Variants in XKR4 observed in about 807,000 individuals in gnomAD.
The protein encoded by XKR4 is XK-related protein 4.
In XKR4, 12 loss-of-function variants were observed where a neutral mutation model predicts 53.9. The ratio of observed to expected loss-of-function variants is 0.22; its 90% confidence interval spans 0.14 to 0.36. The LOEUF is 0.36. Ranked by LOEUF, XKR4 falls within the 10% of genes least tolerant of loss-of-function variation. The probability of loss-of-function intolerance (pLI) is 1.00; values close to 1 mark genes in which losing one functional copy is unlikely to be tolerated. For synonymous variants in XKR4, 354 were observed against 362.4 expected, an observed-to-expected ratio of 0.98 and a Z score of 0.26; for missense variants, 799 against 859.5, an observed-to-expected ratio of 0.93 and a Z score of 0.88.
chr8:55,235,855 T>C (rs1818114228), intron 1 of XKR4, among the ~76,000 whole-genome samples: 1 of 152,158 alleles, frequency 6.6e-6, no homozygotes, highest in Admixed American at 6.6e-5. Flanking sequence ...CAAGCTTTGT[T>C]GGGCCTAGAT....
chr8:55,155,746 A>G (rs1816899075), intron 1 of XKR4, among the ~76,000 whole-genome samples: 1 of 152,210 alleles, frequency 6.6e-6, no homozygotes, highest in African/African-American at 2.4e-5. Flanking sequence ...AAATATTAGA[A>G]TATCGGGGAC....
intron 1 of XKR4, among the ~76,000 whole-genome samples, chr8:55,282,141 C>CTGG (rs1437860165): frequency 6.6e-6 from 1 of 152,134 alleles, no homozygotes; most frequent in East Asian, 1.9e-4. Flanking sequence ...GGGTATTATC[C>CTGG]TGGTTCCTTT....
chr8:55,407,478 G>A (rs899070016), intron 2 of XKR4, among the ~76,000 whole-genome samples: 3 of 152,232 alleles, frequency 2.0e-5, no homozygotes, highest in African/African-American at 4.8e-5. Context: ...CGCTGCCTCC[G>A]CCGGAGTGAT....
chr8:55,216,968 C>T (rs1012010031), intron 1 of XKR4, among the ~76,000 whole-genome samples: 8 of 150,828 alleles, frequency 5.3e-5, no homozygotes, highest in South Asian at 4.2e-4. Flanking sequence ...CCTTGCCAGG[C>T]GCAGTGGCTT....
intron 1 of XKR4, among the ~76,000 whole-genome samples, chr8:55,110,399 A>G (rs959275243): frequency 3.3e-5 from 5 of 152,146 alleles, no homozygotes; most frequent in African/African-American, 1.2e-4. Flanking sequence ...TGTGGAACTT[A>G]AGGTAAAAGA....
chr8:55,448,440 G>C (rs903620202), intron 2 of XKR4, among the ~76,000 whole-genome samples: 3 of 152,226 alleles, frequency 2.0e-5, no homozygotes, highest in Non-Finnish European at 2.9e-5. Flanking sequence ...AATGAATCCA[G>C]GCAAACCCAT....
At chr8:55,500,181 C>CAAAAAAAA (rs36233927) in intron 2 of XKR4, among the ~76,000 whole-genome samples, 25 of 115,576 alleles carry the variant, frequency 2.2e-4, no homozygotes, top group African/African-American at 8.3e-4. Context: ...CAAATTGGGC[C>CAAAAAAAA]AAAAAAAAAA....
chr8:55,410,819 C>A (rs886325596), intron 2 of XKR4, among the ~76,000 whole-genome samples: 1 of 152,156 alleles, frequency 6.6e-6, no homozygotes, highest in Non-Finnish European at 1.5e-5. Flanking sequence ...ATCCACCCAC[C>A]TTTGTTTGGA....
rs1487344838 is a variant in XKR4 at position 55,131,168 on chromosome 8, A to ACAACAACAACAACAACAG, written c.806+27891_806+27892insGCAACAACAACAACAACA. ...GAGCGAAATGGCTGTCTCAAAAACA[A>ACAACAACAACAACAACAG]CAACAACAACAACAACAAATGCAGA... On this transcript the variant is annotated intron_variant, in intron 1 of 2. Coordinates refer to ENST00000327381, the MANE Select transcript of XKR4 (RefSeq NM_052898.2). Among the ~76,000 whole-genome samples the ACAACAACAACAACAACAG allele has an allele frequency of 9.9e-5, 15 of 151,930 alleles. No homozygotes were observed. The East Asian group carries it at 2.1e-3, about 22-fold the overall frequency.
intron 2 of XKR4, chr8:55,451,238 C>G: frequency 1.8e-6 from 1 of 571,260 alleles, no homozygotes; most frequent in Non-Finnish European, 3.1e-6. Context: ...TGGCACCAAG[C>G]CCACTGCTGC....
At chr8:55,139,450 T>C (rs1816672809) in intron 1 of XKR4, among the ~76,000 whole-genome samples, 1 of 150,316 alleles carries the variant, frequency 6.7e-6, no homozygotes, top group Non-Finnish European at 1.5e-5. Flanking sequence ...GGCAGGAGGA[T>C]TGCTTGAAAC....
chr8:55,106,847 G>A (rs1049113423), intron 1 of XKR4, among the ~76,000 whole-genome samples: 2 of 152,140 alleles, frequency 1.3e-5, no homozygotes, highest in Admixed American at 6.5e-5. Context: ...GGAAAAATGT[G>A]AGGAAAATGC....
intron 1 of XKR4, among the ~76,000 whole-genome samples, chr8:55,349,951 C>G (rs958354620): frequency 3.9e-5 from 6 of 152,024 alleles, no homozygotes; most frequent in Non-Finnish European, 8.8e-5. Context: ...ATGATCCCAC[C>G]ACTGAGAGAT....
chr8:55,356,512 A>G (rs919561419), intron 1 of XKR4, among the ~76,000 whole-genome samples: 1 of 152,238 alleles, frequency 6.6e-6, no homozygotes, highest in African/African-American at 2.4e-5. Context: ...TCCTGTTTGG[A>G]CTGCATTTCA....
At chr8:55,214,117 C>T (rs1215975509) in intron 1 of XKR4, among the ~76,000 whole-genome samples, 1 of 152,086 alleles carries the variant, frequency 6.6e-6, no homozygotes, top group Non-Finnish European at 1.5e-5. Flanking sequence ...CTGTCTCAGC[C>T]TCCTAAAGTT....
At chr8:55,337,194 G>GTCTC (rs1803475077) in intron 1 of XKR4, among the ~76,000 whole-genome samples, 1 of 152,012 alleles carries the variant, frequency 6.6e-6, no homozygotes, top group Admixed American at 6.5e-5. Flanking sequence ...GGGCCCTAGT[G>GTCTC]TCTCCTACTA....
intron 2 of XKR4, among the ~76,000 whole-genome samples, chr8:55,423,383 C>T (rs1042463930): frequency 2.0e-5 from 3 of 152,152 alleles, no homozygotes; most frequent in African/African-American, 7.2e-5. Context: ...GCGTGAGCCA[C>T]CGCACCCGCC....
intron 2 of XKR4, among the ~76,000 whole-genome samples, chr8:55,422,710 T>C (rs1055120868): frequency 1.2e-4 from 19 of 152,316 alleles, no homozygotes; most frequent in Admixed American, 1.2e-3. Flanking sequence ...ATGAGAAACT[T>C]CAAGCACTGG....
At chr8:55,479,427 A>T (rs181823903) in intron 2 of XKR4, among the ~76,000 whole-genome samples, 75 of 152,210 alleles carry the variant, frequency 4.9e-4, no homozygotes, top group African/African-American at 1.7e-3. Context: ...TATAGCACTA[A>T]ATGCCCACAA....
Sources: allele counts gnomAD v4.1 joint callset (sites outside exome capture counted in the v4.1 genomes callset), GRCh38; gene constraint gnomAD v4.1.1; transcripts MANE v1.5; gene names NCBI Gene and HGNC (gene_info 2026-07-23, HGNC 2026-07-21).